The following B4GALT3 variants were observed in gnomAD, a reference collection of about 807,000 sequenced individuals.
B4GALT3 encodes N-acetyllactosamine synthase.
A neutral mutation model predicts 40.7 loss-of-function variants in B4GALT3; 29 were observed. The ratio of observed to expected loss-of-function variants is 0.71; its 90% CI spans 0.53 to 0.97. The LOEUF (loss-of-function observed/expected upper bound fraction) is 0.97, where lower values mean the gene tolerates loss of function less well. Ranked by LOEUF, B4GALT3 falls within the 50% of genes least tolerant of loss-of-function variation. The pLI is 0.00. For missense variants in B4GALT3, 390 were observed against 522.3 expected, an observed-to-expected ratio of 0.75 and a Z score of 2.47; for synonymous variants, 182 against 203.9, an observed-to-expected ratio of 0.89 and a Z score of 0.92.
chr1:161,172,459 A>G, intron 6 of B4GALT3, 128 bp from the exon 7 acceptor site: 2 of 771,406 alleles, frequency 2.6e-6, no homozygotes, highest in Non-Finnish European at 2.0e-6. Context: ...AGCCCAGGAC[A>G]GAAGTCAAAC....
In B4GALT3 at chr1:161,172,290, G is replaced by A. The variant is rs1188113102; in HGVS notation, c.845C>T (p.Ser282Phe). 2.5e-6 allele frequency: 4 copies of A among 1,614,122 alleles called. No homozygotes were observed. Among genetic ancestry groups the A allele is most frequent in the Non-Finnish European group, 3.4e-6 (4 of 1,180,020 alleles). Residue 282 changes from serine to phenylalanine, a missense_variant, in exon 7 of 8, where the codon TCT becomes TTT. Coordinates refer to ENST00000319769, the MANE Select transcript of B4GALT3 (RefSeq NM_003779.4). ...AGMKISRPPT[S>F]VGHYKMVKHR... ...CTTCACCATCTTATAGTGTCCTACA[G>A]ATGTGGGGGGCCGAGAGATCTTCAT...
chr1:161,177,089 T>C (rs1474759217), intron 1 of B4GALT3: 6 of 1,468,484 alleles, frequency 4.1e-6, no homozygotes, highest in Non-Finnish European at 5.5e-6. Flanking sequence ...CTAGCGGGGG[T>C]GGGGAGGAGG....
At position 161,171,423 on chromosome 1, in the gene B4GALT3, TCAC is replaced by T. The variant is rs1434732160; in HGVS notation, c.*390_*392del. On this transcript the variant is annotated 3_prime_UTR_variant, in exon 8 of 8. Coordinates refer to ENST00000319769, the MANE Select transcript of B4GALT3 (RefSeq NM_003779.4). ...GAAAATGCCCAGGGAGGGGCTTCCT[TCAC>T]CAAACAACTTCCCGGGAACCATAAA... 3.1e-6 allele frequency: 2 copies of T among 653,116 alleles called. No individual in the cohort carries two copies. The highest frequency in any genetic ancestry group is 2.6e-6 in the Non-Finnish European group (1 of 387,754). 40.5% of individuals were successfully genotyped at this position (653,116 alleles called of 1,614,324 possible). A position where few individuals can be genotyped will look rare whatever the true frequency, so the allele number is the denominator to read the frequency against.
chr1:161,173,497 A>G lies in B4GALT3; in HGVS notation c.803+108T>C, dbSNP rs1384506268. On this transcript the variant is annotated intron_variant, in intron 6 of 7. Transcript: ENST00000319769. ...TAAGGGAAAGGAATGGGCTCAGTGCAGGACCAGGGAGCTAAAGGTTAGTGT... is the reference window on the plus strand; with the variant it reads ...TAAGGGAAAGGAATGGGCTCAGTGCGGGACCAGGGAGCTAAAGGTTAGTGT... 5.3e-6 allele frequency: 8 copies of G among 1,508,124 alleles called. No individual in the cohort carries two copies. In the African/African-American group the frequency reaches 9.6e-5, roughly 18 times the overall value. 93.4% of individuals were successfully genotyped at this position (1,508,124 alleles called of 1,614,324 possible).
Position 161,171,720 on chromosome 1 carries a change from C to T in B4GALT3, c.*96G>A. 2 of 1,502,838 alleles carry T rather than the reference C, an allele frequency of 1.3e-6. No individual in the cohort carries two copies. Among genetic ancestry groups the T allele is most frequent in the South Asian group, 1.2e-5 (1 of 80,266 alleles). 93.1% of individuals were successfully genotyped at this position (1,502,838 alleles called of 1,614,324 possible). A position where few individuals can be genotyped will look rare whatever the true frequency, so the allele number is the denominator to read the frequency against. On this transcript the variant is annotated 3_prime_UTR_variant, in exon 8 of 8. Transcript: ENST00000319769. ...CCTAGCACGGCACCAGAGTTCAGTT[C>T]CCTCACATCCCTCTGAGAACAGTGA...
Position 161,175,848 on chromosome 1 carries a change from A to C in B4GALT3, c.213T>G (p.Pro71=). 6.2e-7 allele frequency: 1 copy of C among 1,614,118 alleles called. No homozygotes were observed. Among genetic ancestry groups the C allele is most frequent in the Middle Eastern group, 1.6e-4 (1 of 6,062 alleles). ...LPGAPGGPPA[P]QGLPYCPERS... is the part of the protein sequence containing the mutation. ...GTTCTGGACAGTAGGGCAGACCTTG[A>C]GGAGCTGGAGGACCCCCTGGGGCCC... Residue 71 remains proline (P), a synonymous_variant, in exon 3 of 8, where the codon CCT becomes CCG. Transcript: ENST00000319769.
chr1:161,172,129 C>T lies in B4GALT3; in HGVS notation c.909-40G>A, dbSNP rs146691911. ...TTGGAGACTAAGACCCAGAAAGGAACAGCCAGAAATCTAGGGACCTTTAGG... is the reference window on the plus strand; with the variant it reads ...TTGGAGACTAAGACCCAGAAAGGAATAGCCAGAAATCTAGGGACCTTTAGG... On this transcript the variant is annotated intron_variant, in intron 7 of 7. Coordinates refer to ENST00000319769, the MANE Select transcript of B4GALT3 (RefSeq NM_003779.4). 1.7e-3 allele frequency: 2,736 copies of T among 1,612,802 alleles called. 4 individuals carry two copies. The highest frequency in any genetic ancestry group is 1.8e-3 in the Non-Finnish European group (2,142 of 1,179,254).
rs1022046562 is a variant in B4GALT3 at position 161,176,485 on chromosome 1, G to C, written c.-66C>G. 11 of 378,428 alleles carry C rather than the reference G, an allele frequency of 2.9e-5. No homozygotes were observed. Among genetic ancestry groups the C allele is most frequent in the African/African-American group, 2.2e-4 (11 of 49,012 alleles). 23.4% of individuals were successfully genotyped at this position (378,428 alleles called of 1,614,324 possible). A position where few individuals can be genotyped will look rare whatever the true frequency, so the allele number is the denominator to read the frequency against. ...TCATGGGGGCTCCAGGGGGTCCCGGGGGGACAGAGATGTGAGGCATTATCT... is the reference window on the plus strand; with the variant it reads ...TCATGGGGGCTCCAGGGGGTCCCGGCGGGACAGAGATGTGAGGCATTATCT... On this transcript the variant is annotated 5_prime_UTR_variant, in exon 2 of 8. Coordinates refer to ENST00000319769, the MANE Select transcript of B4GALT3 (RefSeq NM_003779.4).
chr1:161,176,284 G>A (rs766438451), intron 2 of B4GALT3, 150 bp downstream of exon 2: 23 of 618,478 alleles, frequency 3.7e-5, no homozygotes, highest in Non-Finnish European at 5.3e-5. Flanking sequence ...CCCAAGTTTC[G>A]CTCTCCTCTA....
intron 6 of B4GALT3, 142 bp downstream of exon 6, chr1:161,173,463 T>C (rs1662255004): frequency 8.6e-6 from 11 of 1,273,872 alleles, no homozygotes; most frequent in Non-Finnish European, 1.2e-5. Context: ...CTGGGTATCC[T>C]AAAAAGACTA....
chr1:161,177,213 C>A (rs1663934022), intron 1 of B4GALT3: 2 of 772,276 alleles, frequency 2.6e-6, no homozygotes, highest in Non-Finnish European at 4.1e-6. Flanking sequence ...TAAAACCCAG[C>A]TCTTTCGGAG....
chr1:161,176,693 G>A, intron 1 of B4GALT3, 114 bp from the exon 2 acceptor site: 1 of 623,552 alleles, frequency 1.6e-6, no homozygotes, highest in Non-Finnish European at 2.8e-6. Context: ...AAAGGAAGAG[G>A]AGGAGCAGGA....
intron 3 of B4GALT3, 91 bp from the exon 4 acceptor site, chr1:161,175,319 C>A: frequency 8.6e-7 from 1 of 1,167,736 alleles, no homozygotes; most frequent in South Asian, 1.4e-5. Flanking sequence ...CACTGGCAGT[C>A]TGGTTCTGGG....
Position 161,171,775 on chromosome 1 carries a change from A to G in B4GALT3, c.*41T>C. On this transcript the variant is annotated 3_prime_UTR_variant, in exon 8 of 8. Transcript: ENST00000319769. ...CTGAGGGTGGGGAGAATACAACCCC[A>G]TGAATTCGGTTTCATGATTAAGGTA... is the stretch of plus-strand genomic sequence containing the variant. 6.2e-7 allele frequency: 1 copy of G among 1,607,720 alleles called. No individual in the cohort carries two copies. The highest frequency in any genetic ancestry group is 8.5e-7 in the Non-Finnish European group (1 of 1,175,918).
chr1:161,173,762 T>C lies in B4GALT3; in HGVS notation c.681-35A>G, dbSNP rs753914305. On this transcript the variant is annotated intron_variant, in intron 5 of 7. Coordinates refer to ENST00000319769, the MANE Select transcript of B4GALT3 (RefSeq NM_003779.4). ...GAAAGATCCTTGCATACCCCGAGTC[T>C]TCTGGGGACACATCCCCAACCACAA... 19 of 1,613,434 alleles carry C rather than the reference T, an allele frequency of 1.2e-5. No individual in the cohort carries two copies. The South Asian group carries it at 2.1e-4, about 18-fold the overall frequency.
At chr1:161,176,938 T>C (rs772618606) in intron 1 of B4GALT3, 34 of 1,536,134 alleles carry the variant, frequency 2.2e-5, no homozygotes, top group Non-Finnish European at 2.9e-5. Context: ...AACAGGCTCC[T>C]TCTATTCTTC....
intron 6 of B4GALT3, 157 bp from the exon 7 acceptor site, chr1:161,172,488 G>T: frequency 1.5e-6 from 1 of 650,106 alleles, no homozygotes; most frequent in East Asian, 2.8e-5. Flanking sequence ...GGAAATGGCT[G>T]AAGAGAATAT....
In B4GALT3 at chr1:161,172,041, C is replaced by T. The variant is rs1661637613; in HGVS notation, c.957G>A (p.Met319Ile). Residue 319 changes from methionine to isoleucine, a missense_variant, in exon 8 of 8, where the codon ATG (methionine) becomes ATA (isoleucine). This residue lies in a region of B4GALT3 where 135 missense variants were observed against 227.8 expected (regional missense o/e 0.59). Coordinates refer to ENST00000319769, the MANE Select transcript of B4GALT3 (RefSeq NM_003779.4). ...CCAGCAACTGGTATGTCAGTGAGTTCATCCCATCTTGCGTCCAGGAATTCT... is the reference window on the plus strand; with the variant it reads ...CCAGCAACTGGTATGTCAGTGAGTTTATCCCATCTTGCGTCCAGGAATTCT... Reference protein sequence around the residue: ...RTQNSWTQDGMNSLTYQLLAR... With the variant: ...RTQNSWTQDGINSLTYQLLAR... The T allele has an allele frequency of 6.2e-7, 1 of 1,614,076 alleles. No individual in the cohort carries two copies.
chr1:161,172,326 C>T lies in B4GALT3; in HGVS notation c.809G>A (p.Arg270His), dbSNP rs201732378. ...CCGAGAGATCTTCATCCCAGCCAGGCGCACCCTATGGGAAAAGTGAGGGTA... is the reference window on the plus strand; with the variant it reads ...CCGAGAGATCTTCATCCCAGCCAGGTGCACCCTATGGGAAAAGTGAGGGTA... Reference protein sequence around the residue: ...GEDDDIATRVRLAGMKISRPP... With the variant: ...GEDDDIATRVHLAGMKISRPP... The change falls in exon 7 of 8, where the codon CGC becomes CAC. Residue 270 changes from arginine (R) to histidine (H), a missense_variant. By Grantham distance (29) the Arg-to-His change is conservative. Around this residue, in one of 3 missense-constraint regions of B4GALT3, gnomAD observed 135 missense variants for 227.8 expected, o/e 0.59. Transcript: ENST00000319769. The T allele has an allele frequency of 2.2e-5, 35 of 1,613,626 alleles. No homozygotes were observed. The highest frequency in any genetic ancestry group is 6.7e-5 in the East Asian group (3 of 44,882).
Sources: gnomAD v4.1 joint callset for allele counts on GRCh38, gnomAD v4.1.1 for gene constraint, gnomAD v4.1.1 regional missense constraint, MANE v1.5 for transcripts, NCBI Gene and HGNC (gene_info 2026-07-23, HGNC 2026-07-21) for gene names.